The following LYPLAL1 variants were observed in gnomAD, a reference collection of about 807,000 sequenced individuals.
LYPLAL1 encodes lysophospholipase-like protein 1.
LYPLAL1 carries 23 observed loss-of-function variants against 19.7 expected under a neutral mutation model. The ratio of observed to expected loss-of-function variants is 1.17; its 90% CI spans 0.84 to 1.65. The LOEUF is 1.65. Ranked by LOEUF, LYPLAL1 falls within the 40% of genes most tolerant of loss-of-function variation. LYPLAL1 has a pLI of 0.00. For synonymous variants in LYPLAL1, 119 were observed against 96.3 expected (o/e 1.24, Z -1.38); for missense variants, 355 against 279.4 (o/e 1.27, Z -1.93).
the LYPLAL1 span, among the ~76,000 whole-genome samples, chr1:219,260,402 C>A: frequency 6.6e-6 from 1 of 151,472 alleles, no homozygotes; most frequent in Non-Finnish European, 1.5e-5. Context: ...AAGAACTAAT[C>A]AGAATAAAGA....
chr1:219,227,796 CTT>C, the LYPLAL1 span, among the ~76,000 whole-genome samples: 1 of 152,170 alleles, frequency 6.6e-6, no homozygotes, highest in Non-Finnish European at 1.5e-5. Context: ...TAAATAATAA[CTT>C]ATTCCGTATT....
chr1:219,333,556 T>G, the LYPLAL1 span, among the ~76,000 whole-genome samples: 1 of 152,048 alleles, frequency 6.6e-6, no homozygotes, highest in Admixed American at 6.6e-5. Flanking sequence ...GGCCTTCTTT[T>G]TCCAACCCCT....
the LYPLAL1 span, among the ~76,000 whole-genome samples, chr1:219,266,270 G>A: frequency 6.6e-6 from 1 of 152,000 alleles, no homozygotes; most frequent in African/African-American, 2.4e-5. Context: ...TTTTTAAAAT[G>A]TATTTTTCTT....
At chr1:219,200,231 C>G (rs1313393057) in intron 3 of LYPLAL1, 1 of 253,912 alleles carries the variant, frequency 3.9e-6, no homozygotes, top group Non-Finnish European at 8.0e-6. Context: ...TATCTCGAGC[C>G]AAGAAAACAG....
chr1:219,239,689 CAAGT>C, the LYPLAL1 span, among the ~76,000 whole-genome samples: 3 of 152,282 alleles, frequency 2.0e-5, no homozygotes, highest in South Asian at 2.1e-4. Flanking sequence ...AAACTCCTGA[CAAGT>C]AAGGATTATA....
chr1:219,407,186 G>C, the LYPLAL1 span, among the ~76,000 whole-genome samples: 2 of 152,168 alleles, frequency 1.3e-5, no homozygotes, highest in African/African-American at 4.8e-5. Context: ...GTGTTACCCA[G>C]TATCTCTGGC....
the LYPLAL1 span, among the ~76,000 whole-genome samples, chr1:219,232,751 A>T: frequency 6.6e-6 from 1 of 152,152 alleles, no homozygotes; most frequent in Non-Finnish European, 1.5e-5. Flanking sequence ...TCCAAAGAAG[A>T]TATATAAATG....
chr1:219,286,426 T>G, the LYPLAL1 span, among the ~76,000 whole-genome samples: 1 of 152,144 alleles, frequency 6.6e-6, no homozygotes, highest in East Asian at 1.9e-4. Context: ...AAGCACAATT[T>G]CATAGCAATA....
the LYPLAL1 span, among the ~76,000 whole-genome samples, chr1:219,423,506 C>A: frequency 1.3e-5 from 2 of 152,130 alleles, no homozygotes; most frequent in African/African-American, 4.8e-5. Context: ...ATATATAAAA[C>A]CCTAATAACC....
the LYPLAL1 span, among the ~76,000 whole-genome samples, chr1:219,300,647 GC>G: frequency 2.7e-5 from 4 of 147,478 alleles, no homozygotes; most frequent in African/African-American, 1.0e-4. Context: ...CCATTCTCCT[GC>G]CTCAGCCTCC....
At chr1:219,278,842 C>T in the LYPLAL1 span, among the ~76,000 whole-genome samples, 3 of 152,130 alleles carry the variant, frequency 2.0e-5, no homozygotes, top group Non-Finnish European at 4.4e-5. Context: ...TGGGAGCTGT[C>T]CTGTGCCTTG....
At chr1:219,326,636 C>T in the LYPLAL1 span, among the ~76,000 whole-genome samples, 3 of 152,258 alleles carry the variant, frequency 2.0e-5, no homozygotes, top group East Asian at 3.9e-4. Flanking sequence ...GCCTCCTTGG[C>T]GCCTTTCCTG....
At chr1:219,393,590 A>C in the LYPLAL1 span, among the ~76,000 whole-genome samples, 4 of 152,150 alleles carry the variant, frequency 2.6e-5, no homozygotes, top group Non-Finnish European at 1.5e-5. Flanking sequence ...AAATAAATAA[A>C]TAACTTAAGT....
chr1:219,420,742 C>T, the LYPLAL1 span, among the ~76,000 whole-genome samples: 1 of 152,068 alleles, frequency 6.6e-6, no homozygotes, highest in African/African-American at 2.4e-5. Flanking sequence ...TCAGGAGAAA[C>T]AAAGGCATAA....
the LYPLAL1 span, among the ~76,000 whole-genome samples, chr1:219,334,194 T>A: frequency 6.3e-3 from 958 of 152,084 alleles, 5 homozygotes; most frequent in Non-Finnish European, 0.011. Context: ...AGAGAATACA[T>A]TTCTTAATTA....
chr1:219,229,720 G>A, the LYPLAL1 span, among the ~76,000 whole-genome samples: 5 of 152,300 alleles, frequency 3.3e-5, no homozygotes, highest in East Asian at 7.7e-4. Context: ...CCCATAGCCT[G>A]CCCGTCTGAA....
the LYPLAL1 span, among the ~76,000 whole-genome samples, chr1:219,311,163 A>G: frequency 6.8e-6 from 1 of 148,092 alleles, no homozygotes; most frequent in African/African-American, 2.5e-5. Flanking sequence ...TTTCTCCCTG[A>G]GTCTGGACAT....
the LYPLAL1 span, among the ~76,000 whole-genome samples, chr1:219,239,128 G>T: frequency 5.2e-3 from 786 of 152,254 alleles, 6 homozygotes; most frequent in Middle Eastern, 0.014. Context: ...ACTATCAGAT[G>T]ATAATAGCTA....
At chr1:219,292,054 G>GC in the LYPLAL1 span, among the ~76,000 whole-genome samples, 1 of 152,096 alleles carries the variant, frequency 6.6e-6, no homozygotes. Flanking sequence ...TGCAGTGGGG[G>GC]CCCACACAAT....
Sources: allele counts gnomAD v4.1 joint callset (sites outside exome capture counted in the v4.1 genomes callset), GRCh38; gene constraint gnomAD v4.1.1; transcripts MANE v1.5; gene names NCBI Gene and HGNC (gene_info 2026-07-23, HGNC 2026-07-21).